Variants in TIAM1 observed in about 807,000 individuals in gnomAD.
TIAM1 encodes the protein rho guanine nucleotide exchange factor TIAM1.
Under a neutral mutation model 163.5 loss-of-function variants are expected in TIAM1, and 65 were observed. The observed-to-expected ratio is 0.40, with a 90% confidence interval of 0.33 to 0.49. TIAM1 has a LOEUF of 0.49. Among genes scored for constraint, TIAM1 ranks in the 20% least tolerant of loss-of-function variants. The pLI, the probability that TIAM1 is intolerant of heterozygous loss-of-function variation, is 0.77. For missense variants in TIAM1, 1,789 were observed against 2,044.7 expected (o/e 0.87, Z 2.41); for synonymous variants, 833 against 810.1 (o/e 1.03, Z -0.48).
intron 2 of TIAM1, among the ~76,000 whole-genome samples, chr21:31,435,768 C>T (rs1003126370): frequency 2.0e-5 from 3 of 152,138 alleles, no homozygotes; most frequent in African/African-American, 4.8e-5. Context: ...TAAGAGGTAA[C>T]TAGGTCAAGA....
intron 3 of TIAM1, 133 bp from the exon 4 acceptor site, chr21:31,267,116 A>G: frequency 8.0e-7 from 1 of 1,249,456 alleles, no homozygotes; most frequent in East Asian, 2.4e-5. Context: ...AAGTAACAGC[A>G]CAACTTCCTA....
chr21:31,409,713 C>T (rs982908496), intron 2 of TIAM1, among the ~76,000 whole-genome samples: 1 of 48 alleles, frequency 0.021, no homozygotes, highest in African/African-American at 0.1. Flanking sequence ...TCCATCTCTC[C>T]TCCAGTGCCT....
At chr21:31,170,891 C>G (rs958254327) in intron 15 of TIAM1, among the ~76,000 whole-genome samples, 2 of 151,758 alleles carry the variant, frequency 1.3e-5, no homozygotes, top group African/African-American at 4.8e-5. Context: ...CAAAAATTAG[C>G]CGGGCATGGT....
Position 31,432,179 on chromosome 21 carries a change from C to A in TIAM1, c.-369+31804G>T, listed in dbSNP as rs1009627566. Among the ~76,000 whole-genome samples the A allele has an allele frequency of 2.0e-4, 29 of 144,004 alleles. 1 individual carries two copies. The highest frequency in any genetic ancestry group is 7.0e-4 in the African/African-American group (27 of 38,426). 94.5% of individuals were successfully genotyped at this position (144,004 alleles called of 152,430 possible). ...GCAGTGGCGTAATCTCAACTCACTGCAACCTCCACCTCCCGGGTTCAAGCG... is the reference window on the plus strand; with the variant it reads ...GCAGTGGCGTAATCTCAACTCACTGAAACCTCCACCTCCCGGGTTCAAGCG... On this transcript the variant is annotated intron_variant, in intron 2 of 28. Coordinates refer to the TIAM1 transcript ENST00000286827.
Position 31,507,939 on chromosome 21 carries a change from C to T in TIAM1, c.-421-43904G>A, listed in dbSNP as rs575481453. Among the ~76,000 whole-genome samples the T allele has an allele frequency of 9.2e-5, 14 of 152,260 alleles. No individual in the cohort carries two copies. In the East Asian group the frequency reaches 2.5e-3, roughly 27 times the overall value. On this transcript the variant is annotated intron_variant, in intron 1 of 28. Coordinates refer to the TIAM1 transcript ENST00000286827. ...GTGACCCAACTGGAAATAGGGTCTT[C>T]GTAGACATAATCAAGTTAAGATGAA...
chr21:31,443,262 C>T (rs1246498182), intron 2 of TIAM1, among the ~76,000 whole-genome samples: 4 of 152,222 alleles, frequency 2.6e-5, no homozygotes, highest in South Asian at 2.1e-4. Context: ...TAGTAACAGA[C>T]AAGAAATAAT....
intron 22 of TIAM1, 86 bp from the exon 23 acceptor site, chr21:31,136,127 T>C: frequency 8.3e-7 from 1 of 1,199,342 alleles, no homozygotes; most frequent in Non-Finnish European, 1.2e-6. Context: ...AGCATGCTGA[T>C]ATTAATTTTA....
At chr21:31,193,709 ATT>A (rs201396005) in intron 13 of TIAM1, among the ~76,000 whole-genome samples, 2 of 151,712 alleles carry the variant, frequency 1.3e-5, no homozygotes, top group Non-Finnish European at 1.5e-5. Context: ...CCCCCAAATA[ATT>A]TTTTTTTGTA....
intron 2 of TIAM1, among the ~76,000 whole-genome samples, chr21:31,413,896 A>G (rs1011476645): frequency 6.6e-6 from 1 of 152,180 alleles, no homozygotes; most frequent in African/African-American, 2.4e-5. Flanking sequence ...TCCCCCCGCA[A>G]CACGAGCTGG....
chr21:31,194,114 G>C (rs1569002627), intron 13 of TIAM1, among the ~76,000 whole-genome samples: 2 of 149,720 alleles, frequency 1.3e-5, no homozygotes, highest in Non-Finnish European at 2.9e-5. Flanking sequence ...CTGCAGGAGA[G>C]AGAGCTATTC....
chr21:31,334,811 C>T (rs964141877), intron 2 of TIAM1, among the ~76,000 whole-genome samples: 3 of 152,158 alleles, frequency 2.0e-5, no homozygotes, highest in South Asian at 2.1e-4. Context: ...ACTCCATTAC[C>T]GCCCCAGCCT....
intron 14 of TIAM1, 140 bp from the exon 15 acceptor site, chr21:31,182,785 A>C (rs976694493): frequency 1.0e-5 from 8 of 801,934 alleles, no homozygotes; most frequent in Non-Finnish European, 1.5e-5. Context: ...GGTGCTCGGG[A>C]GTGATCCTCA....
At chr21:31,245,973 C>A (rs1044117228) in intron 5 of TIAM1, among the ~76,000 whole-genome samples, 2 of 152,144 alleles carry the variant, frequency 1.3e-5, no homozygotes, top group Admixed American at 6.5e-5. Context: ...TCTTGTGACT[C>A]CTCTGTCCCG....
intron 4 of TIAM1, among the ~76,000 whole-genome samples, chr21:31,259,811 A>G (rs2072350311): frequency 6.6e-6 from 1 of 150,636 alleles, no homozygotes; most frequent in African/African-American, 2.5e-5. Flanking sequence ...ACCAAACAGT[A>G]TATTGCAAGA....
At position 31,182,548 on chromosome 21, in the gene TIAM1, C is replaced by T. The variant is rs1343156623; in HGVS notation, c.2760G>A (p.Leu920=). The change falls in exon 15 of 28, where the codon CTG becomes CTA. Residue 920 remains leucine, a synonymous_variant. Coordinates refer to ENST00000541036, the MANE Select transcript of TIAM1 (RefSeq NM_001353694.2). Reference sequence around the variant, plus strand: ...CGGGGTAGGTCCTCACCAGGAGGCCCAGCGAGGGCTGTGAGAGGAAATCTT... The same window carrying T: ...CGGGGTAGGTCCTCACCAGGAGGCCTAGCGAGGGCTGTGAGAGGAAATCTT... ...MLKDFLSQPS[L]GLLVRTYPEL... is the part of the protein sequence containing the mutation. 6.2e-7 allele frequency: 1 copy of T among 1,613,888 alleles called. No individual in the cohort carries two copies. Among genetic ancestry groups the T allele is most frequent in the Non-Finnish European group, 8.5e-7 (1 of 1,179,966 alleles).
intron 5 of TIAM1, among the ~76,000 whole-genome samples, chr21:31,246,005 G>C (rs1601689160): frequency 6.6e-6 from 1 of 152,146 alleles, no homozygotes; most frequent in Non-Finnish European, 1.5e-5. Context: ...CTCCAGGCCA[G>C]AACTTTGCCT....
chr21:31,145,863 T>G (rs1435288207), intron 20 of TIAM1, among the ~76,000 whole-genome samples: 2 of 152,128 alleles, frequency 1.3e-5, no homozygotes, highest in Non-Finnish European at 2.9e-5. Context: ...TGAAACCAAT[T>G]TTTTTCCTCA....
chr21:31,442,089 A>ATATAT (rs1555982237), intron 2 of TIAM1, among the ~76,000 whole-genome samples: 1 of 123,980 alleles, frequency 8.1e-6, no homozygotes, highest in Non-Finnish European at 1.7e-5. Flanking sequence ...ATATATATAG[A>ATATAT]ACAATAAGGG....
chr21:31,220,361 A>T (rs537110525), intron 8 of TIAM1, among the ~76,000 whole-genome samples: 75 of 152,366 alleles, frequency 4.9e-4, no homozygotes, highest in African/African-American at 1.6e-3. Flanking sequence ...ACAAATAAAT[A>T]CATAAATACC....
Sources: allele counts gnomAD v4.1 joint callset (sites outside exome capture counted in the v4.1 genomes callset), GRCh38; gene constraint gnomAD v4.1.1; transcripts MANE v1.5; gene names NCBI Gene and HGNC (gene_info 2026-07-23, HGNC 2026-07-21).